FAM107B: variants seen among roughly 807,000 people sequenced by gnomAD.
FAM107B encodes protein FAM107B.
In FAM107B, 21 loss-of-function variants were observed where a neutral mutation model predicts 31.5. That is an observed-to-expected ratio of 0.67 (90% CI 0.47 to 0.96). The LOEUF (loss-of-function observed/expected upper bound fraction) is 0.96. Ranked by LOEUF, FAM107B falls within the 40% of genes least tolerant of loss-of-function variation. The pLI is 0.00. For synonymous variants in FAM107B, 157 were observed against 141.5 expected, an observed-to-expected ratio of 1.11 and a Z score of -0.78; for missense variants, 452 against 377.1, an observed-to-expected ratio of 1.20 and a Z score of -1.64.
At chr10:14,568,574 CTGA>C (rs1161194734) in intron 2 of FAM107B, among the ~76,000 whole-genome samples, 21 of 150,972 alleles carry the variant, frequency 1.4e-4, no homozygotes, top group Non-Finnish European at 1.8e-4. Context: ...AGGAGGCTGG[CTGA>C]TGATCTCAGG....
intron 1 of FAM107B, among the ~76,000 whole-genome samples, chr10:14,697,906 C>T (rs765488701): frequency 1.2e-4 from 19 of 152,210 alleles, no homozygotes; most frequent in Non-Finnish European, 2.2e-4. Flanking sequence ...AGGTGGATAA[C>T]TTGAGATCAG....
chr10:14,596,666 T>G (rs1483309326), intron 2 of FAM107B, among the ~76,000 whole-genome samples: 1 of 152,192 alleles, frequency 6.6e-6, no homozygotes, highest in Non-Finnish European at 1.5e-5. Flanking sequence ...ATGACTTCTA[T>G]GACACCTCCC....
intron 1 of FAM107B, among the ~76,000 whole-genome samples, chr10:14,697,444 T>A (rs1416641893): frequency 6.6e-6 from 1 of 152,244 alleles, no homozygotes; most frequent in African/African-American, 2.4e-5. Context: ...AAGTTTGCCG[T>A]GCTAGCCCAG....
At chr10:14,741,675 GTGT>G (rs1402070145) in intron 1 of FAM107B, among the ~76,000 whole-genome samples, 2 of 149,410 alleles carry the variant, frequency 1.3e-5, no homozygotes, top group Non-Finnish European at 3.0e-5. Flanking sequence ...TGACAAAATG[GTGT>G]TATTCTTCCT....
intron 2 of FAM107B, among the ~76,000 whole-genome samples, chr10:14,650,056 T>C (rs184566660): frequency 2.0e-5 from 3 of 152,216 alleles, no homozygotes; most frequent in East Asian, 3.9e-4. Context: ...ATGTCCCAGA[T>C]AGGAAGAAGG....
rs540626349 is a variant in FAM107B, at chr10:14,639,092, G to T, written c.469+28542C>A. On this transcript the variant is annotated intron_variant, in intron 2 of 4. Transcript: ENST00000181796. ...ACCTGTAGTCCAAGCTATTTGGGGGGTTGAGGGGGGAGGATTGCTTGAGCC... is the reference window on the plus strand; with the variant it reads ...ACCTGTAGTCCAAGCTATTTGGGGGTTTGAGGGGGGAGGATTGCTTGAGCC... Among the ~76,000 whole-genome samples the T allele has an allele frequency of 8.5e-5, 13 of 152,260 alleles. No homozygotes were observed. In the East Asian group the frequency reaches 2.1e-3, roughly 25 times the overall value.
intron 1 of FAM107B, among the ~76,000 whole-genome samples, chr10:14,715,896 T>C (rs575275659): frequency 6.6e-6 from 1 of 152,318 alleles, no homozygotes; most frequent in African/African-American, 2.4e-5. Context: ...CCATCTTCCC[T>C]GGTTCTCCAG....
intron 2 of FAM107B, among the ~76,000 whole-genome samples, chr10:14,606,735 C>T (rs575479464): frequency 6.6e-6 from 1 of 152,168 alleles, no homozygotes. Flanking sequence ...TCCCCACTCT[C>T]TCTTTCTCTG....
chr10:14,567,638 A>G (rs1850790677), intron 2 of FAM107B, among the ~76,000 whole-genome samples: 1 of 152,200 alleles, frequency 6.6e-6, no homozygotes, highest in African/African-American at 2.4e-5. Flanking sequence ...AAGGGATTCC[A>G]GTGCGTTGAC....
chr10:14,670,580 A>T (rs1041952687), intron 1 of FAM107B, among the ~76,000 whole-genome samples: 2 of 152,196 alleles, frequency 1.3e-5, no homozygotes, highest in Non-Finnish European at 2.9e-5. Flanking sequence ...CATTTTCAAG[A>T]TGAAAAGACT....
chr10:14,580,857 T>G (rs532098893), intron 2 of FAM107B, among the ~76,000 whole-genome samples: 1 of 152,354 alleles, frequency 6.6e-6, no homozygotes, highest in East Asian at 1.9e-4. Context: ...TAATGTATTC[T>G]GCAGAACGTT....
At chr10:14,683,260 C>T (rs1854885095) in intron 1 of FAM107B, among the ~76,000 whole-genome samples, 1 of 152,116 alleles carries the variant, frequency 6.6e-6, no homozygotes, top group Non-Finnish European at 1.5e-5. Context: ...TATTGAATAG[C>T]TCTCCTTAGT....
At position 14,763,003 on chromosome 10, in the gene FAM107B, C is replaced by T. The variant is rs542340615; in HGVS notation, c.411+11250G>A. Reference sequence around the variant, plus strand: ...AGAGGCCAGGCTTGGTGGCTCATGCCTATAATCCCAGCACTTTGGGAGGCA... The same window carrying T: ...AGAGGCCAGGCTTGGTGGCTCATGCTTATAATCCCAGCACTTTGGGAGGCA... On this transcript the variant is annotated intron_variant, in intron 1 of 4. Transcript: ENST00000181796. Among the ~76,000 whole-genome samples, 76 of 152,238 alleles carry T rather than the reference C, an allele frequency of 5.0e-4. 1 individual carries two copies. In the South Asian group the frequency reaches 9.3e-3, roughly 19 times the overall value.
At chr10:14,765,581 T>C (rs945377045) in intron 1 of FAM107B, among the ~76,000 whole-genome samples, 7 of 152,220 alleles carry the variant, frequency 4.6e-5, no homozygotes, top group African/African-American at 1.7e-4. Flanking sequence ...AATGGGATTC[T>C]CACTAGGCCA....
intron 2 of FAM107B, among the ~76,000 whole-genome samples, chr10:14,565,638 T>C (rs1350680572): frequency 6.6e-6 from 1 of 152,186 alleles, no homozygotes; most frequent in African/African-American, 2.4e-5. Flanking sequence ...AAGTTAGGTA[T>C]GGGCTGGATA....
intron 1 of FAM107B, among the ~76,000 whole-genome samples, chr10:14,673,999 TGTTGA>T (rs1854619625): frequency 6.6e-6 from 1 of 152,104 alleles, no homozygotes. Flanking sequence ...GTTTGTTTGC[TGTTGA>T]GTTATTTGCG....
chr10:14,723,782 CA>C, intron 1 of FAM107B: 1 of 757,962 alleles, frequency 1.3e-6, no homozygotes, highest in South Asian at 1.3e-5. Flanking sequence ...CCAGTGGCAG[CA>C]GCAAACTTCA....
chr10:14,717,757 G>GAC (rs3035300), intron 1 of FAM107B, among the ~76,000 whole-genome samples: 109,353 of 151,692 alleles, frequency 0.72, 39,986 homozygotes, highest in African/African-American at 0.86. Flanking sequence ...CCCCCTCCCA[G>GAC]ACACCCAAGA....
rs374861214 is a variant in FAM107B at position 14,569,463 on chromosome 10, GATCTA to G, written c.470-38953_470-38949del. ...TTACGTTAAGATCATAACATGTGGTGATCTAAGTCCTCCGGAAGCTAGACAGACTC... is the reference window on the plus strand; with the variant it reads ...TTACGTTAAGATCATAACATGTGGTGAGTCCTCCGGAAGCTAGACAGACTC... On this transcript the variant is annotated intron_variant, in intron 2 of 4. Transcript: ENST00000181796. Among the ~76,000 whole-genome samples the G allele has an allele frequency of 1.6e-3, 237 of 152,196 alleles. 1 individual carries two copies. The highest frequency in any genetic ancestry group is 6.8e-3 in the Middle Eastern group (2 of 292).
Sources: allele counts gnomAD v4.1 joint callset (sites outside exome capture counted in the v4.1 genomes callset), GRCh38; gene constraint gnomAD v4.1.1; transcripts MANE v1.5; gene names NCBI Gene and HGNC (gene_info 2026-07-23, HGNC 2026-07-21).